CERKL: variants seen among roughly 807,000 people sequenced by gnomAD.
The protein encoded by CERKL is CERK like autophagy regulator, also known as ceramide kinase-like protein.
Under a neutral mutation model 63.4 loss-of-function variants are expected in CERKL, and 61 were observed. The ratio of observed to expected loss-of-function variants is 0.96; its 90% CI spans 0.78 to 1.19. CERKL has a LOEUF of 1.19. Among genes scored for constraint, CERKL ranks in the 50% most tolerant of loss-of-function variants. The pLI, the probability that CERKL is intolerant of heterozygous loss-of-function variation, is 0.00. For missense variants in CERKL, 675 were observed against 655.5 expected, an observed-to-expected ratio of 1.03 and a Z score of -0.33; for synonymous variants, 250 against 230.5, an observed-to-expected ratio of 1.08 and a Z score of -0.77.
chr2:181,545,454 T>C (rs1316688354), intron 10 of CERKL, among the ~76,000 whole-genome samples: 1 of 152,200 alleles, frequency 6.6e-6, no homozygotes, highest in East Asian at 1.9e-4. Flanking sequence ...AGAATGCAGT[T>C]TGCAGAAATA....
In CERKL at chr2:181,550,921, A is replaced by T. The variant is rs964748949; in HGVS notation, c.821-1213T>A. ...AACTGGTTCCAACTGATTCACCAAA[A>T]GGCAAGTTATGCTGTGACCCTTGTT... On this transcript the variant is annotated intron_variant, in intron 5 of 12. Transcript: ENST00000410087. The surrounding 1 kb of genome is among the most constrained non-coding windows in gnomAD (Gnocchi z 4.5). 3.9e-5 allele frequency among the ~76,000 whole-genome samples: 6 copies of T among 152,182 alleles called. No homozygotes were observed. The highest frequency in any genetic ancestry group is 7.4e-5 in the Non-Finnish European group (5 of 68,016).
chr2:181,562,819 G>GT lies in CERKL; in HGVS notation c.677+3238dup, dbSNP rs367651751. Among the ~76,000 whole-genome samples, 278 of 151,578 alleles carry GT rather than the reference G, an allele frequency of 1.8e-3. 2 individuals are homozygous for GT. The highest frequency in any genetic ancestry group is 5.8e-3 in the African/African-American group (238 of 41,322). Reference sequence around the variant, plus strand: ...TATATTGTTGTAGTTTTGATTCACAGTTTTTTTTCTTTCTGGAAAAGTTTG... The same window carrying GT: ...TATATTGTTGTAGTTTTGATTCACAGTTTTTTTTTCTTTCTGGAAAAGTTTG... On this transcript the variant is annotated intron_variant, in intron 4 of 12. Coordinates refer to ENST00000410087, the MANE Select transcript of CERKL (RefSeq NM_201548.5).
chr2:181,555,618 A>G (rs1385654171), intron 5 of CERKL, among the ~76,000 whole-genome samples: 1 of 152,184 alleles, frequency 6.6e-6, no homozygotes, highest in Non-Finnish European at 1.5e-5. Context: ...GGGTTATCAA[A>G]ATATGAATTT....
In CERKL at chr2:181,537,437, G is replaced by T. The variant is rs1401788398; in HGVS notation, c.*747C>A. On this transcript the variant is annotated 3_prime_UTR_variant, in exon 13 of 13. Transcript: ENST00000410087. Reference sequence around the variant, plus strand: ...TTGTTATCAACTTACTTTGTTACTTGTATCATGAATTTTAAAACCCTACCA... The same window carrying T: ...TTGTTATCAACTTACTTTGTTACTTTTATCATGAATTTTAAAACCCTACCA... 1.1e-5 allele frequency: 5 copies of T among 453,846 alleles called. No homozygotes were observed. The highest frequency in any genetic ancestry group is 2.0e-5 in the African/African-American group (1 of 50,062). The allele number at this position is 453,846 out of a possible 1,614,324, so 28.1% of individuals were successfully genotyped here. A position where few individuals can be genotyped will look rare whatever the true frequency, so the allele number is the denominator to read the frequency against.
Position 181,537,688 on chromosome 2 carries a change from GATGTATT to G in CERKL, c.*489_*495del. Reference sequence around the variant, plus strand: ...TTCAGAATTATCTAGGTTAAATATTGATGTATTATGATGGTTGCAAAGTTTTTTTGTG... The same window carrying G: ...TTCAGAATTATCTAGGTTAAATATTGATGATGGTTGCAAAGTTTTTTTGTG... On this transcript the variant is annotated 3_prime_UTR_variant, in exon 13 of 13. Transcript: ENST00000410087. 2.4e-6 allele frequency: 1 copy of G among 423,718 alleles called. No individual in the cohort carries two copies. The highest frequency in any genetic ancestry group is 1.7e-5 in the South Asian group (1 of 58,674). 26.2% of individuals were successfully genotyped at this position (423,718 alleles called of 1,614,324 possible).
chr2:181,644,660 G>A lies in CERKL; in HGVS notation c.238+12109C>T, dbSNP rs928498570. 4.6e-5 allele frequency among the ~76,000 whole-genome samples: 7 copies of A among 152,148 alleles called. No individual in the cohort carries two copies. In the South Asian group the frequency reaches 6.2e-4, roughly 14 times the overall value. ...CTTACGATAGAAATCCTGGAATAAC[G>A]CAAAGTTGAAAAGAACCTCAAGGAG... On this transcript the variant is annotated intron_variant, in intron 1 of 12. Coordinates refer to ENST00000410087, the MANE Select transcript of CERKL (RefSeq NM_201548.5).
chr2:181,610,418 T>C (rs1685914669), intron 1 of CERKL, among the ~76,000 whole-genome samples: 1 of 152,212 alleles, frequency 6.6e-6, no homozygotes, highest in Non-Finnish European at 1.5e-5. Context: ...GAGAACAAGT[T>C]GGGAATATGT....
intron 1 of CERKL, among the ~76,000 whole-genome samples, chr2:181,653,960 C>G (rs1270372802): frequency 6.6e-6 from 1 of 152,162 alleles, no homozygotes; most frequent in African/African-American, 2.4e-5. Flanking sequence ...GGATAACTAA[C>G]TACTTTGATT....
chr2:181,609,403 A>T (rs1279443069), intron 1 of CERKL, among the ~76,000 whole-genome samples: 1 of 151,536 alleles, frequency 6.6e-6, no homozygotes, highest in African/African-American at 2.4e-5. Flanking sequence ...ATGTTTTAAA[A>T]GCAATGAGGG....
At chr2:181,546,196 C>A (rs13405809) in intron 10 of CERKL, among the ~76,000 whole-genome samples, 1,572 of 152,170 alleles carry the variant, frequency 0.01, 25 homozygotes, top group African/African-American at 0.035. Flanking sequence ...ACTGATTAAG[C>A]CTGCAGAGTC....
At chr2:181,644,760 A>T (rs1388780015) in intron 1 of CERKL, among the ~76,000 whole-genome samples, 1 of 152,192 alleles carries the variant, frequency 6.6e-6, no homozygotes, top group Non-Finnish European at 1.5e-5. Flanking sequence ...AATTATGCCT[A>T]AAGAGAAAAC....
At chr2:181,648,737 G>C (rs1397225806) in intron 1 of CERKL, among the ~76,000 whole-genome samples, 4 of 152,168 alleles carry the variant, frequency 2.6e-5, no homozygotes, top group Non-Finnish European at 4.4e-5. Flanking sequence ...AGCTACAATG[G>C]CTAGGGAACA....
At chr2:181,656,719 G>C in intron 1 of CERKL, 50 bp downstream of exon 1, 1 of 1,471,736 alleles carries the variant, frequency 6.8e-7, no homozygotes, top group Non-Finnish European at 9.2e-7. Flanking sequence ...GGGCCGGGGA[G>C]AGGGAGGAAG....
chr2:181,599,206 G>A (rs1685354275), intron 2 of CERKL, among the ~76,000 whole-genome samples: 1 of 152,072 alleles, frequency 6.6e-6, no homozygotes, highest in Admixed American at 6.6e-5. Flanking sequence ...TAGAACTTTT[G>A]GAATTGAAAA....
At chr2:181,572,771 C>G (rs1688962342) in intron 3 of CERKL, among the ~76,000 whole-genome samples, 1 of 121,260 alleles carries the variant, frequency 8.2e-6, no homozygotes. Flanking sequence ...GACCTTCCTA[C>G]AAAACTTGCT....
chr2:181,536,997 C>T lies in CERKL; in HGVS notation c.*1187G>A, dbSNP rs1376513157. 2.2e-6 allele frequency: 1 copy of T among 449,642 alleles called. No individual in the cohort carries two copies. Among genetic ancestry groups the T allele is most frequent in the Non-Finnish European group, 4.4e-6 (1 of 224,938 alleles). 27.9% of individuals were successfully genotyped at this position (449,642 alleles called of 1,614,324 possible). The stretch of plus-strand genomic sequence containing the variant: ...TTGATGAAAGTTATCTGTTCACAGG[C>T]CTGCAGTGATGGTGAGGAATGTTCT... On this transcript the variant is annotated 3_prime_UTR_variant, in exon 13 of 13. Coordinates refer to ENST00000410087, the MANE Select transcript of CERKL (RefSeq NM_201548.5).
chr2:181,655,573 G>C (rs1016738296), intron 1 of CERKL, among the ~76,000 whole-genome samples: 3 of 152,188 alleles, frequency 2.0e-5, no homozygotes, highest in Non-Finnish European at 4.4e-5. Context: ...TTCGTGAAGC[G>C]AGCGAGCATG....
At chr2:181,653,477 T>C (rs1453963666) in intron 1 of CERKL, among the ~76,000 whole-genome samples, 1 of 152,206 alleles carries the variant, frequency 6.6e-6, no homozygotes, top group Non-Finnish European at 1.5e-5. Context: ...TGCAGCACTA[T>C]TCACAATGGC....
At chr2:181,555,835 C>T (rs895022579) in intron 5 of CERKL, among the ~76,000 whole-genome samples, 5 of 151,086 alleles carry the variant, frequency 3.3e-5, no homozygotes, top group Admixed American at 2.6e-4. Flanking sequence ...TCACTGCAAC[C>T]TCTGCCTCCC....
Sources: gnomAD v4.1 joint callset for allele counts (sites outside exome capture counted in the v4.1 genomes callset) on GRCh38, gnomAD v4.1.1 for gene constraint, Gnocchi (gnomAD v3.1) non-coding constraint, MANE v1.5 for transcripts, NCBI Gene and HGNC (gene_info 2026-07-23, HGNC 2026-07-21) for gene names.